The following SCAPER variants were observed in gnomAD, a reference collection of about 807,000 sequenced individuals.
The protein encoded by SCAPER is S-phase cyclin A associated protein in the ER.
Under a neutral mutation model 182.2 loss-of-function variants are expected in SCAPER, and 98 were observed. The observed-to-expected ratio is 0.54, with a 90% confidence interval of 0.46 to 0.64. The LOEUF (loss-of-function observed/expected upper bound fraction) is 0.64, where lower values mean the gene tolerates loss of function less well. Ranked by LOEUF, SCAPER falls within the 30% of genes least tolerant of loss-of-function variation. The probability of loss-of-function intolerance (pLI) is 0.00; values close to 1 mark genes in which losing one functional copy is unlikely to be tolerated. For synonymous variants in SCAPER, 605 were observed against 564.6 expected (o/e 1.07, Z -1.01); for missense variants, 1,432 against 1,690.0 (o/e 0.85, Z 2.68).
At chr15:76,798,448 G>A (rs1229856245) in intron 7 of SCAPER, among the ~76,000 whole-genome samples, 2 of 151,310 alleles carry the variant, frequency 1.3e-5, no homozygotes, top group African/African-American at 2.4e-5. Flanking sequence ...CGTGTACAGT[G>A]GAATTTTCAA....
At chr15:76,424,350 T>C (rs554867061) in intron 26 of SCAPER, among the ~76,000 whole-genome samples, 2 of 152,364 alleles carry the variant, frequency 1.3e-5, no homozygotes, top group Admixed American at 6.5e-5. Context: ...TCTTGTTGAA[T>C]TGATCCCTTT....
At chr15:76,661,815 G>A (rs1282229792) in intron 21 of SCAPER, among the ~76,000 whole-genome samples, 1 of 152,172 alleles carries the variant, frequency 6.6e-6, no homozygotes, top group East Asian at 1.9e-4. Flanking sequence ...ATTTGATCTA[G>A]CAATCCCATT....
In SCAPER at chr15:76,752,272, C is replaced by T. The variant is rs1229658719; in HGVS notation, c.1866+1536G>A. On this transcript the variant is annotated intron_variant, in intron 15 of 31. Coordinates refer to ENST00000563290, the MANE Select transcript of SCAPER (RefSeq NM_020843.4). ...ATGGAATAACTGGAACCCTTGTGCA[C>T]TACTGATGGGAATATAAAAATGGTG... 2.0e-5 allele frequency among the ~76,000 whole-genome samples: 3 copies of T among 151,684 alleles called. No individual in the cohort carries two copies. The East Asian group carries it at 5.8e-4, about 29-fold the overall frequency.
chr15:76,737,952 T>C (rs1313544400), intron 15 of SCAPER, among the ~76,000 whole-genome samples: 1 of 152,216 alleles, frequency 6.6e-6, no homozygotes, highest in Admixed American at 6.5e-5. Flanking sequence ...TAACGGAATG[T>C]TGTGGCTGGT....
chr15:76,573,260 T>C (rs1461815653), intron 23 of SCAPER, among the ~76,000 whole-genome samples: 2 of 152,194 alleles, frequency 1.3e-5, no homozygotes, highest in Non-Finnish European at 2.9e-5. Context: ...GAAAGGATCA[T>C]ATTGGGAAAC....
chr15:76,488,714 CTTTTTTTTTTTTTTTTT>C (rs71143333), intron 24 of SCAPER, among the ~76,000 whole-genome samples: 1 of 93,144 alleles, frequency 1.1e-5, no homozygotes, highest in East Asian at 4.0e-4. Context: ...AGTACACTGC[CTTTTTTTTTTTTTTTTT>C]TTTTTTTTTT....
At chr15:76,738,248 C>T (rs2061374032) in intron 15 of SCAPER, among the ~76,000 whole-genome samples, 1 of 152,070 alleles carries the variant, frequency 6.6e-6, no homozygotes, top group African/African-American at 2.4e-5. Flanking sequence ...TTCACATCAG[C>T]CTCTTGAGTG....
At chr15:76,503,787 G>C (rs530310756) in intron 24 of SCAPER, among the ~76,000 whole-genome samples, 1 of 152,060 alleles carries the variant, frequency 6.6e-6, no homozygotes, top group South Asian at 2.1e-4. Flanking sequence ...CAAAGCCAAT[G>C]CTATTTCTTT....
intron 20 of SCAPER, among the ~76,000 whole-genome samples, chr15:76,675,901 T>C (rs966447751): frequency 2.0e-5 from 3 of 152,028 alleles, no homozygotes; most frequent in African/African-American, 7.2e-5. Flanking sequence ...CTCAGCTTAC[T>C]ACAACCTCCA....
At chr15:76,455,569 T>C (rs1019926349) in intron 25 of SCAPER, among the ~76,000 whole-genome samples, 3 of 152,236 alleles carry the variant, frequency 2.0e-5, no homozygotes, top group Admixed American at 1.3e-4. Flanking sequence ...CTTTGAACTC[T>C]TGTGCTCAAG....
chr15:76,559,517 T>C (rs1275968652), intron 23 of SCAPER, among the ~76,000 whole-genome samples: 1 of 152,182 alleles, frequency 6.6e-6, no homozygotes, highest in Admixed American at 6.5e-5. Context: ...GGTTAAACTC[T>C]TTCCTTTATA....
chr15:76,506,809 T>TA, intron 23 of SCAPER, among the ~76,000 whole-genome samples: 1 of 152,180 alleles, frequency 6.6e-6, no homozygotes, highest in Non-Finnish European at 1.5e-5. Context: ...GTATCCTTTT[T>TA]AAAAAATACC....
chr15:76,899,126 C>A (rs925611662), intron 1 of SCAPER, among the ~76,000 whole-genome samples: 1 of 152,170 alleles, frequency 6.6e-6, no homozygotes, highest in Non-Finnish European at 1.5e-5. Flanking sequence ...TAAAATCAGT[C>A]AATATACAAG....
chr15:76,813,769 T>C (rs1339417870), intron 5 of SCAPER, among the ~76,000 whole-genome samples: 1 of 152,170 alleles, frequency 6.6e-6, no homozygotes, highest in African/African-American at 2.4e-5. Context: ...AAGTGCAAGA[T>C]CTGTACACTG....
At chr15:76,710,388 T>C (rs1262937782) in intron 17 of SCAPER, among the ~76,000 whole-genome samples, 2 of 152,086 alleles carry the variant, frequency 1.3e-5, no homozygotes, top group East Asian at 3.8e-4. Flanking sequence ...AGGACTTAAC[T>C]CCATCATAAG....
At chr15:76,858,841 T>C (rs559987799) in intron 3 of SCAPER, among the ~76,000 whole-genome samples, 2 of 152,316 alleles carry the variant, frequency 1.3e-5, no homozygotes, top group African/African-American at 4.8e-5. Flanking sequence ...ATGGTGTATA[T>C]ATGTACCACA....
chr15:76,603,483 T>A lies in SCAPER; in HGVS notation c.2711+18281A>T, dbSNP rs1426761981. On this transcript the variant is annotated intron_variant, in intron 22 of 31. Coordinates refer to ENST00000563290, the MANE Select transcript of SCAPER (RefSeq NM_020843.4). ...TCTTTGCTATTGTGAATAGTGCTGC[T>A]ATAAACATATGTGTGCATGTGTCTT... is the stretch of plus-strand genomic sequence containing the variant. 2.5e-5 allele frequency among the ~76,000 whole-genome samples: 3 copies of A among 121,658 alleles called. 1 individual carries two copies. The highest frequency in any genetic ancestry group is 6.0e-5 in the Non-Finnish European group (3 of 50,034). 79.8% of individuals were successfully genotyped at this position (121,658 alleles called of 152,430 possible).
chr15:76,482,641 C>T (rs890924722), intron 24 of SCAPER, among the ~76,000 whole-genome samples: 1 of 152,084 alleles, frequency 6.6e-6, no homozygotes, highest in Non-Finnish European at 1.5e-5. Flanking sequence ...AATGAATAAG[C>T]AATTAAAGCA....
chr15:76,510,977 T>A (rs1188091634), intron 23 of SCAPER, among the ~76,000 whole-genome samples: 1 of 152,186 alleles, frequency 6.6e-6, no homozygotes, highest in East Asian at 1.9e-4. Context: ...TGGAGACTAT[T>A]ATTTTAAGTG....
Sources: allele counts gnomAD v4.1 joint callset (sites outside exome capture counted in the v4.1 genomes callset), GRCh38; gene constraint gnomAD v4.1.1; transcripts MANE v1.5; gene names NCBI Gene and HGNC (gene_info 2026-07-23, HGNC 2026-07-21).